The following HSP90AB1 variants were observed in gnomAD, a reference collection of about 807,000 sequenced individuals.
HSP90AB1 encodes heat shock protein HSP 90-beta.
In HSP90AB1, 17 loss-of-function variants were observed where a neutral mutation model predicts 67.8. The observed-to-expected ratio is 0.25, with a 90% CI of 0.17 to 0.38. The LOEUF (loss-of-function observed/expected upper bound fraction) is 0.38, where lower values mean the gene tolerates loss of function less well. HSP90AB1 is among the 10% of genes least tolerant of loss of function. The pLI is 1.00. For synonymous variants in HSP90AB1, 390 were observed against 312.9 expected, an observed-to-expected ratio of 1.25 and a Z score of -2.60; for missense variants, 690 against 899.9, an observed-to-expected ratio of 0.77 and a Z score of 2.98.
At chr6:44,251,284 C>T in intron 7 of HSP90AB1, 71 bp downstream of exon 7, 2 of 1,573,042 alleles carry the variant, frequency 1.3e-6, no homozygotes, top group Non-Finnish European at 1.7e-6. Flanking sequence ...CTAGGATATT[C>T]TAAGGTAACA....
Position 44,253,175 on chromosome 6 carries a change from T to G in HSP90AB1, c.1862T>G (p.Met621Arg). 1 of 1,614,214 alleles carries G rather than the reference T, an allele frequency of 6.2e-7. No homozygotes were observed. Among genetic ancestry groups the G allele is most frequent in the Non-Finnish European group, 8.5e-7 (1 of 1,180,034 alleles). ...GACAACTCCACCATGGGCTATATGATGGCCAAAAAGCACCTGGAGATCAAC... is the reference window on the plus strand; with the variant it reads ...GACAACTCCACCATGGGCTATATGAGGGCCAAAAAGCACCTGGAGATCAAC... ...LRDNSTMGYM[M>R]AKKHLEINPD... is the part of the protein sequence containing the mutation. Residue 621 changes from methionine to arginine, a missense_variant, in exon 11 of 12, where the codon ATG (methionine) becomes AGG (arginine). Met to Arg is a moderately conservative substitution (Grantham distance 91). This residue lies in a region of HSP90AB1 where 120 missense variants were observed against 153.5 expected (regional missense o/e 0.78). Coordinates refer to ENST00000371646, the MANE Select transcript of HSP90AB1 (RefSeq NM_007355.4).
intron 10 of HSP90AB1, among the ~76,000 whole-genome samples, chr6:44,252,689 G>T (rs1442240305): frequency 2.0e-5 from 3 of 151,934 alleles, no homozygotes; most frequent in Non-Finnish European, 4.4e-5. Flanking sequence ...GTAGAGATGG[G>T]GTTTCATCGC....
At chr6:44,248,573 G>A in intron 1 of HSP90AB1, 57 bp from the exon 2 acceptor site, 4 of 1,535,994 alleles carry the variant, frequency 2.6e-6, no homozygotes, top group African/African-American at 1.4e-5. Flanking sequence ...TGACCTTTAG[G>A]ATTTTTAAAC....
intron 9 of HSP90AB1, 28 bp downstream of exon 9, chr6:44,251,912 TGGA>T (rs1183653243): frequency 4.3e-6 from 7 of 1,613,392 alleles, no homozygotes; most frequent in South Asian, 1.1e-5. Context: ...GAAGCCTTTT[TGGA>T]GGAGTGGGGA....
chr6:44,252,748 G>A (rs1040306359), intron 10 of HSP90AB1, among the ~76,000 whole-genome samples: 6 of 151,490 alleles, frequency 4.0e-5, no homozygotes, highest in East Asian at 1.9e-4. Context: ...CGCCCACCTC[G>A]GCCTCCCAAA....
rs1462541086 is a variant in HSP90AB1, at chr6:44,252,948, T to C, written c.1732-97T>C. The C allele has an allele frequency of 3.0e-6, 3 of 987,808 alleles. No individual in the cohort carries two copies. The African/African-American group carries it at 4.8e-5, about 16-fold the overall frequency. 61.2% of individuals were successfully genotyped at this position (987,808 alleles called of 1,614,324 possible). A position where few individuals can be genotyped will look rare whatever the true frequency, so the allele number is the denominator to read the frequency against. On this transcript the variant is annotated intron_variant, in intron 10 of 11. Coordinates refer to ENST00000371646, the MANE Select transcript of HSP90AB1 (RefSeq NM_007355.4). ...AGCATGGTCTCAAACTCAAGTGGTC[T>C]GTCCACCTCCTCCCCCTGCTGGAAT...
At position 44,251,839 on chromosome 6, in the gene HSP90AB1, G is replaced by T; in HGVS notation, c.1417G>T (p.Val473Phe). The T allele has an allele frequency of 6.2e-7, 1 of 1,613,002 alleles. No individual in the cohort carries two copies. The highest frequency in any genetic ancestry group is 8.5e-7 in the Non-Finnish European group (1 of 1,180,030). ...GDEMTSLSEYVSRMKETQKSI... is the reference protein window; with the variant it reads ...GDEMTSLSEYFSRMKETQKSI... ...TGAGATGACATCTCTGTCAGAGTAT[G>T]TTTCTCGCATGAAGGAGACACAGAA... Residue 473 changes from valine (V) to phenylalanine (F), a missense_variant, in exon 9 of 12, where the codon GTT becomes TTT. Physicochemically the swap from Val to Phe is conservative, Grantham distance 50. Coordinates refer to ENST00000371646, the MANE Select transcript of HSP90AB1 (RefSeq NM_007355.4).
intron 10 of HSP90AB1, 95 bp downstream of exon 10, chr6:44,252,362 C>T (rs2153321846): frequency 8.7e-7 from 1 of 1,143,936 alleles, no homozygotes; most frequent in East Asian, 2.4e-5. Context: ...TTGAGGCAGC[C>T]TATTTACTGT....
At position 44,252,192 on chromosome 6, in the gene HSP90AB1, G is replaced by C; in HGVS notation, c.1656G>C (p.Lys552Asn). The C allele has an allele frequency of 6.2e-7, 1 of 1,614,172 alleles. No individual in the cohort carries two copies. Among genetic ancestry groups the C allele is most frequent in the Non-Finnish European group, 8.5e-7 (1 of 1,180,016 alleles). Reference protein sequence around the residue: ...ELPEDEEEKKKMEESKAKFEN... With the variant: ...ELPEDEEEKKNMEESKAKFEN... Reference sequence around the variant, plus strand: ...CTGAGGATGAGGAGGAGAAGAAGAAGATGGAAGAGAGCAAGGCAAAGTTTG... The same window carrying C: ...CTGAGGATGAGGAGGAGAAGAAGAACATGGAAGAGAGCAAGGCAAAGTTTG... Residue 552 changes from lysine (K) to asparagine (N), a missense_variant, in exon 10 of 12, where the codon AAG becomes AAC. Physicochemically the swap from Lys to Asn is moderately conservative, Grantham distance 94. This residue lies in a region of HSP90AB1 where 206 missense variants were observed against 221.4 expected (regional missense o/e 0.93). Coordinates refer to ENST00000371646, the MANE Select transcript of HSP90AB1 (RefSeq NM_007355.4).
At position 44,249,657 on chromosome 6, in the gene HSP90AB1, CTTTAA is replaced by C; in HGVS notation, c.355-17_355-13del. The C allele has an allele frequency of 6.2e-7, 1 of 1,612,190 alleles. No individual in the cohort carries two copies. Among genetic ancestry groups the C allele is most frequent in the East Asian group, 2.2e-5 (1 of 44,842 alleles). ...TTGCTTCTTTAAAACTTGTGATTGA[CTTTAA>C]ACTTGTTGGCAGGCTGGTGCAGACA... On this transcript the variant is annotated splice_polypyrimidine_tract_variant and intron_variant, in intron 3 of 11. Coordinates refer to ENST00000371646, the MANE Select transcript of HSP90AB1 (RefSeq NM_007355.4).
intron 10 of HSP90AB1, among the ~76,000 whole-genome samples, chr6:44,252,618 C>T (rs1172302163): frequency 1.3e-5 from 2 of 152,148 alleles, no homozygotes; most frequent in African/African-American, 2.4e-5. Context: ...GCCTTAGCCT[C>T]CTGAGTAGCT....
At chr6:44,246,466 C>A (rs369074535), upstream of HSP90AB1, 1 of 153,374 alleles carries the variant, frequency 6.5e-6, no homozygotes, top group Non-Finnish European at 1.5e-5. Flanking sequence ...GCTGGAAATG[C>A]CGCAGTGCCG....
chr6:44,251,536 G>A lies in HSP90AB1; in HGVS notation c.1242G>A (p.Glu414=). The change falls in exon 8 of 12, where the codon GAG becomes GAA. Residue 414 remains glutamate (E), a synonymous_variant. Transcript: ENST00000371646. ...AAAACATTGTTAAGAAGTGCCTTGA[G>A]CTCTTCTCTGAGCTGGCAGAAGACA... ...IRKNIVKKCL[E]LFSELAEDKE... The A allele has an allele frequency of 6.2e-7, 1 of 1,612,514 alleles. No homozygotes were observed.
At chr6:44,248,567 C>T in intron 1 of HSP90AB1, 63 bp from the exon 2 acceptor site, 12 of 1,501,394 alleles carry the variant, frequency 8.0e-6, no homozygotes, top group Non-Finnish European at 1.1e-5. Flanking sequence ...ATGATATGAC[C>T]TTTAGGATTT....
chr6:44,247,832 T>G (rs1240698783), intron 1 of HSP90AB1: 1 of 152,188 alleles, frequency 6.6e-6, no homozygotes, highest in Admixed American at 6.5e-5. Context: ...CTGAGATTGT[T>G]CTGGAAGCTT....
At position 44,251,504 on chromosome 6, in the gene HSP90AB1, A is replaced by G. The variant is rs983486102; in HGVS notation, c.1210A>G (p.Ile404Val). 6.2e-7 allele frequency: 1 copy of G among 1,612,338 alleles called. No homozygotes were observed. The highest frequency in any genetic ancestry group is 2.2e-5 in the East Asian group (1 of 44,842). ...MLQQSKILKV[I>V]RKNIVKKCLE... ...CCAGCAGAGCAAAATCTTGAAAGTC[A>G]TTCGCAAAAACATTGTTAAGAAGTG... The change falls in exon 8 of 12, where the codon ATT becomes GTT. Residue 404 changes from isoleucine to valine, a missense_variant. Physicochemically the swap from Ile to Val is conservative, Grantham distance 29. Transcript: ENST00000371646.
intron 5 of HSP90AB1, 24 bp downstream of exon 5, chr6:44,250,178 T>C (rs761397313): frequency 3.1e-6 from 5 of 1,614,024 alleles, no homozygotes; most frequent in South Asian, 2.2e-5. Context: ...TTTAAATCTT[T>C]TACACTTAAC....
Position 44,250,614 on chromosome 6 carries a change from T to C in HSP90AB1, c.957+15T>C. ...TGGCAGTCAAGGTGTGAGAAGCCTT[T>C]GCATGTTGGCTCAACATGCACATAT... On this transcript the variant is annotated intron_variant, in intron 6 of 11. Transcript: ENST00000371646. 4.1e-6 allele frequency: 6 copies of C among 1,451,370 alleles called. No homozygotes were observed. Among genetic ancestry groups the C allele is most frequent in the Non-Finnish European group, 5.8e-6 (6 of 1,036,916 alleles). The allele number at this position is 1,451,370 out of a possible 1,614,324, so 89.9% of individuals were successfully genotyped here.
chr6:44,248,977 T>G (rs532968757), intron 2 of HSP90AB1, among the ~76,000 whole-genome samples: 57 of 152,326 alleles, frequency 3.7e-4, no homozygotes, highest in African/African-American at 1.3e-3. Flanking sequence ...TGGAACTAAC[T>G]GGTTCTAAAG....
Sources: gnomAD v4.1 joint callset for allele counts (sites outside exome capture counted in the v4.1 genomes callset) on GRCh38, gnomAD v4.1.1 for gene constraint, gnomAD v4.1.1 regional missense constraint, MANE v1.5 for transcripts, NCBI Gene and HGNC (gene_info 2026-07-23, HGNC 2026-07-21) for gene names.